Variants in ITGBL1 observed in about 807,000 individuals in gnomAD.
The protein encoded by ITGBL1 is integrin subunit beta like 1, also known as integrin beta-like protein 1.
In ITGBL1, 51 loss-of-function variants were observed where a neutral mutation model predicts 68.5. The ratio of observed to expected loss-of-function variants is 0.74; its 90% CI spans 0.59 to 0.94. The LOEUF is 0.94. ITGBL1 is among the 40% of genes least tolerant of loss of function. The pLI is 0.00. For missense variants in ITGBL1, 649 were observed against 647.4 expected (o/e 1.00, Z -0.03); for synonymous variants, 209 against 227.3 (o/e 0.92, Z 0.72).
At chr13:101,486,402 A>G (rs964255752) in intron 2 of ITGBL1, among the ~76,000 whole-genome samples, 3 of 152,180 alleles carry the variant, frequency 2.0e-5, no homozygotes, top group African/African-American at 7.2e-5. Context: ...TACACTGCTC[A>G]GGTGATGAGT....
chr13:101,676,321 C>A (rs1394978102), intron 7 of ITGBL1, among the ~76,000 whole-genome samples: 4 of 151,694 alleles, frequency 2.6e-5, no homozygotes, highest in Non-Finnish European at 2.9e-5. Flanking sequence ...TTTTTTCTGG[C>A]AGATATATAG....
At chr13:101,660,753 C>T (rs1163230419) in intron 7 of ITGBL1, among the ~76,000 whole-genome samples, 1 of 152,178 alleles carries the variant, frequency 6.6e-6, no homozygotes, top group African/African-American at 2.4e-5. Flanking sequence ...TGGACTCAAC[C>T]ATGTCAGATT....
rs750725054 is a variant in ITGBL1, at chr13:101,620,959, C to T, written c.1015+22660C>T. 3.9e-5 allele frequency among the ~76,000 whole-genome samples: 6 copies of T among 152,242 alleles called. No individual in the cohort carries two copies. The South Asian group carries it at 1.2e-3, about 32-fold the overall frequency. ...AGAACAGTGAGTTTCTGTGTCGTGACTGTCATTGACCTTCCACCTTTCCTC... is the reference window on the plus strand; with the variant it reads ...AGAACAGTGAGTTTCTGTGTCGTGATTGTCATTGACCTTCCACCTTTCCTC... On this transcript the variant is annotated intron_variant, in intron 7 of 10. Coordinates refer to ENST00000376180, the MANE Select transcript of ITGBL1 (RefSeq NM_004791.3).
intron 2 of ITGBL1, among the ~76,000 whole-genome samples, chr13:101,461,458 T>G (rs1026896532): frequency 1.3e-5 from 2 of 151,894 alleles, no homozygotes; most frequent in Non-Finnish European, 2.9e-5. Flanking sequence ...CTTTGGGAAG[T>G]TGAGGTGGGA....
chr13:101,616,098 C>A (rs1265578024), intron 7 of ITGBL1, among the ~76,000 whole-genome samples: 1 of 152,162 alleles, frequency 6.6e-6, no homozygotes, highest in Non-Finnish European at 1.5e-5. Flanking sequence ...AAACATAAAT[C>A]ATTGCAGTAG....
intron 2 of ITGBL1, among the ~76,000 whole-genome samples, chr13:101,520,196 G>A (rs897286602): frequency 1.3e-5 from 2 of 152,062 alleles, no homozygotes; most frequent in Non-Finnish European, 2.9e-5. Context: ...TAATATGAAA[G>A]ACTCTAAGAT....
intron 7 of ITGBL1, among the ~76,000 whole-genome samples, chr13:101,680,827 G>T (rs574521191): frequency 6.6e-6 from 1 of 152,214 alleles, no homozygotes; most frequent in South Asian, 2.1e-4. Flanking sequence ...AGTTGTGTAT[G>T]CACCAAGATT....
intron 7 of ITGBL1, among the ~76,000 whole-genome samples, chr13:101,638,055 C>G (rs968633745): frequency 1.3e-5 from 2 of 152,118 alleles, no homozygotes; most frequent in Non-Finnish European, 1.5e-5. Context: ...AAGGAAGGAT[C>G]TGCTATAAAA....
At chr13:101,592,504 G>A (rs2050671976) in intron 6 of ITGBL1, among the ~76,000 whole-genome samples, 1 of 152,170 alleles carries the variant, frequency 6.6e-6, no homozygotes, top group South Asian at 2.1e-4. Context: ...GAGAGAAATT[G>A]AAGACACAAA....
At chr13:101,532,971 G>A (rs1433814781) in intron 2 of ITGBL1, among the ~76,000 whole-genome samples, 2 of 152,152 alleles carry the variant, frequency 1.3e-5, no homozygotes, top group Non-Finnish European at 2.9e-5. Flanking sequence ...TCCAATGGCT[G>A]CATATTAAAA....
At chr13:101,569,894 C>A (rs191235218) in intron 3 of ITGBL1, among the ~76,000 whole-genome samples, 1 of 152,118 alleles carries the variant, frequency 6.6e-6, no homozygotes, top group African/African-American at 2.4e-5. Context: ...TTATTTCTGA[C>A]TTACCCTCTT....
At chr13:101,651,712 T>G (rs1057392415) in intron 7 of ITGBL1, among the ~76,000 whole-genome samples, 1 of 152,150 alleles carries the variant, frequency 6.6e-6, no homozygotes, top group Non-Finnish European at 1.5e-5. Context: ...TTGTTGCAAT[T>G]GCTTTTGACG....
At chr13:101,709,371 C>CAAAAAAAAAAAA (rs747662212) in intron 9 of ITGBL1, among the ~76,000 whole-genome samples, 8 of 61,196 alleles carry the variant, frequency 1.3e-4, no homozygotes, top group East Asian at 4.0e-4. Context: ...GACTCCGTCT[C>CAAAAAAAAAAAA]AAAAAAAAAA....
At chr13:101,718,771 TGAAAACCAGGAAAAAAAA>T (rs1019343430), downstream of ITGBL1, 1 of 148,964 alleles carries the variant, frequency 6.7e-6, no homozygotes, top group African/African-American at 2.5e-5. Context: ...TTAGACTTAG[TGAAAACCAGGAAAAAAAA>T]AAAAAACTAA....
chr13:101,511,286 G>A (rs1266289287), intron 2 of ITGBL1, among the ~76,000 whole-genome samples: 1 of 152,062 alleles, frequency 6.6e-6, no homozygotes, highest in Non-Finnish European at 1.5e-5. Flanking sequence ...CCTTATCAAT[G>A]AGAACTCTTA....
intron 2 of ITGBL1, among the ~76,000 whole-genome samples, chr13:101,526,671 G>GTC (rs2049384900): frequency 6.6e-6 from 1 of 151,772 alleles, no homozygotes; most frequent in Admixed American, 6.6e-5. Flanking sequence ...GTGTGTGTGT[G>GTC]TGTGTGTGTG....
At position 101,637,366 on chromosome 13, in the gene ITGBL1, C is replaced by CA. The variant is rs1253366065; in HGVS notation, c.1015+39068dup. Among the ~76,000 whole-genome samples the CA allele has an allele frequency of 5.3e-3, 675 of 127,964 alleles. 8 individuals carry two copies. Among genetic ancestry groups the CA allele is most frequent in the African/African-American group, 0.02 (640 of 32,626 alleles). 83.9% of individuals were successfully genotyped at this position (127,964 alleles called of 152,430 possible). ...ATTTTTTTTTTTTTTTTTTTTGAGA[C>CA]AGAGTCTCACTCTGTCACCCAGGCT... On this transcript the variant is annotated intron_variant, in intron 7 of 10. Transcript: ENST00000376180.
At chr13:101,601,122 G>A (rs1169398908) in intron 7 of ITGBL1, among the ~76,000 whole-genome samples, 1 of 152,098 alleles carries the variant, frequency 6.6e-6, no homozygotes, top group Admixed American at 6.6e-5. Flanking sequence ...GCCTGTTATT[G>A]GTCTATTCAG....
chr13:101,646,633 C>A, intron 7 of ITGBL1, among the ~76,000 whole-genome samples: 2 of 151,900 alleles, frequency 1.3e-5, no homozygotes, highest in Admixed American at 1.3e-4. Flanking sequence ...TCAGTAAATG[C>A]TACAAAATGC....
Sources: allele counts gnomAD v4.1 joint callset (sites outside exome capture counted in the v4.1 genomes callset), GRCh38; gene constraint gnomAD v4.1.1; transcripts MANE v1.5; gene names NCBI Gene and HGNC (gene_info 2026-07-23, HGNC 2026-07-21).